BUD23: variants seen among roughly 807,000 people sequenced by gnomAD.
BUD23 encodes BUD23 rRNA methyltransferase and ribosome maturation factor.
Under a neutral mutation model 47.0 loss-of-function variants are expected in BUD23, and 34 were observed. The ratio of observed to expected loss-of-function variants is 0.72; its 90% CI spans 0.55 to 0.96. The LOEUF (loss-of-function observed/expected upper bound fraction) is 0.96, where lower values mean the gene tolerates loss of function less well. BUD23 is among the 40% of genes least tolerant of loss of function. The pLI, the probability that BUD23 is intolerant of heterozygous loss-of-function variation, is 0.00. For missense variants in BUD23, 343 were observed against 361.2 expected (o/e 0.95, Z 0.41); for synonymous variants, 124 against 132.0 (o/e 0.94, Z 0.41).
Position 73,697,924 on chromosome 7 carries a change from C to G in BUD23, c.*38C>G, listed in dbSNP as rs147305837. On this transcript the variant is annotated 3_prime_UTR_variant, in exon 12 of 12. Coordinates refer to ENST00000265758, the MANE Select transcript of BUD23 (RefSeq NM_017528.5). ...TTCTGGAAAGGCACTTGCCTCTGCACTTTTCTATATTGTTCAGCTGACAAA... is the reference window on the plus strand; with the variant it reads ...TTCTGGAAAGGCACTTGCCTCTGCAGTTTTCTATATTGTTCAGCTGACAAA... 16 of 1,592,396 alleles carry G rather than the reference C, an allele frequency of 1.0e-5. No individual in the cohort carries two copies. The highest frequency in any genetic ancestry group is 1.4e-5 in the African/African-American group (1 of 73,522).
intron 10 of BUD23, chr7:73,696,874 C>T (rs1326330539): frequency 1.3e-5 from 2 of 156,980 alleles, no homozygotes. Context: ...CACCTCCTTC[C>T]TTTAGCTCCA....
Position 73,683,814 on chromosome 7 carries a change from G to A in BUD23, c.86+10G>A, listed in dbSNP as rs1050647491. 1.2e-6 allele frequency: 2 copies of A among 1,614,098 alleles called. No individual in the cohort carries two copies. The highest frequency in any genetic ancestry group is 1.7e-6 in the Non-Finnish European group (2 of 1,180,064). On this transcript the variant is annotated intron_variant, in intron 2 of 11. Coordinates refer to ENST00000265758, the MANE Select transcript of BUD23 (RefSeq NM_017528.5). ...GGAAATACGTTCGCAAGTGAGGGGA[G>A]CCTGAATACTGCGGGGCGTCCGGGG...
Position 73,690,965 on chromosome 7 carries a change from C to G in BUD23, c.412C>G (p.Pro138Ala), listed in dbSNP as rs1554613932. 3 of 1,614,060 alleles carry G rather than the reference C, an allele frequency of 1.9e-6. No individual in the cohort carries two copies. The highest frequency in any genetic ancestry group is 1.7e-5 in the Admixed American group (1 of 59,994). Reference protein sequence around the residue: ...LCNANKKSENPAKRLYCFFAS... With the variant: ...LCNANKKSENAAKRLYCFFAS... ...TAATGCTAACAAGAAGTCTGAAAAC[C>G]CTGCCAAGCGCCTGTACTGCTTTTT... is the stretch of plus-strand genomic sequence containing the variant. The change falls in exon 6 of 12, where the codon CCT becomes GCT. Residue 138 changes from proline (P) to alanine (A), a missense_variant. Transcript: ENST00000265758.
In BUD23 at chr7:73,693,664, C is replaced by G; in HGVS notation, c.637C>G (p.Pro213Ala). 6.2e-7 allele frequency: 1 copy of G among 1,614,168 alleles called. No homozygotes were observed. The highest frequency in any genetic ancestry group is 8.5e-7 in the Non-Finnish European group (1 of 1,180,018). The change falls in exon 9 of 12, where the codon CCA becomes GCA. Residue 213 changes from proline (P) to alanine (A), a missense_variant. Transcript: ENST00000265758. ...CLFSGPSTFI[P>A]EGLSENQDEV... ...GTTTTCTGGGCCTTCGACCTTTATACCAGAGGTGAGGGACACTGGGTTTGC... is the reference window on the plus strand; with the variant it reads ...GTTTTCTGGGCCTTCGACCTTTATAGCAGAGGTGAGGGACACTGGGTTTGC...
At chr7:73,685,644 C>T (rs1219787997) in intron 2 of BUD23, among the ~76,000 whole-genome samples, 1 of 152,054 alleles carries the variant, frequency 6.6e-6, no homozygotes, top group Non-Finnish European at 1.5e-5. Flanking sequence ...CTCACGGGAT[C>T]CACCCGCCTT....
At position 73,691,027 on chromosome 7, in the gene BUD23, T is replaced by A. The variant is rs781845339; in HGVS notation, c.459+15T>A. The A allele has an allele frequency of 8.7e-6, 14 of 1,611,966 alleles. No homozygotes were observed. In the South Asian group the frequency reaches 1.5e-4, roughly 18 times the overall value. On this transcript the variant is annotated intron_variant, in intron 6 of 11. Coordinates refer to ENST00000265758, the MANE Select transcript of BUD23 (RefSeq NM_017528.5). Reference sequence around the variant, plus strand: ...TTTCTGTTCTCGTGAGTATAAGATCTTCTCCCCATCTGGGTTAGCTGCCTG... The same window carrying A: ...TTTCTGTTCTCGTGAGTATAAGATCATCTCCCCATCTGGGTTAGCTGCCTG...
At chr7:73,688,445 G>A (rs555350908) in intron 5 of BUD23, among the ~76,000 whole-genome samples, 2 of 152,340 alleles carry the variant, frequency 1.3e-5, no homozygotes, top group South Asian at 4.1e-4. Flanking sequence ...TGTGTCTGGT[G>A]GGGCAGAGGA....
Position 73,693,370 on chromosome 7 carries a change from C to A in BUD23, c.552C>A (p.Ser184=), listed in dbSNP as rs372655014. ...CCCAGGCCACAAAGGCAGGCTTCTC[C>A]GGTGGCATGGTGGTAGACTACCCTA... ...ITTQATKAGF[S]GGMVVDYPNS... The change falls in exon 8 of 12, where the codon TCC becomes TCA. Residue 184 remains serine (S), a synonymous_variant. Transcript: ENST00000265758. The A allele has an allele frequency of 1.2e-6, 2 of 1,614,172 alleles. No homozygotes were observed. The highest frequency in any genetic ancestry group is 2.2e-5 in the South Asian group (2 of 91,070).
At chr7:73,683,876 G>A in intron 2 of BUD23, 72 bp downstream of exon 2, 2 of 1,613,430 alleles carry the variant, frequency 1.2e-6, no homozygotes, top group South Asian at 1.1e-5. Flanking sequence ...TGCTGGCGTT[G>A]CCCGGAAAGG....
In BUD23 at chr7:73,693,386, G is replaced by A; in HGVS notation, c.568G>A (p.Asp190Asn). The A allele has an allele frequency of 6.2e-7, 1 of 1,614,186 alleles. No individual in the cohort carries two copies. Among genetic ancestry groups the A allele is most frequent in the Non-Finnish European group, 8.5e-7 (1 of 1,180,028 alleles). ...AGGCTTCTCCGGTGGCATGGTGGTA[G>A]ACTACCCTAACAGTGCCAAAGCAAA... is the stretch of plus-strand genomic sequence containing the variant. The part of the protein sequence containing the change: ...KAGFSGGMVV[D>N]YPNSAKAKKF... The change falls in exon 8 of 12, where the codon GAC becomes AAC. Residue 190 changes from aspartate to asparagine, a missense_variant. Coordinates refer to ENST00000265758, the MANE Select transcript of BUD23 (RefSeq NM_017528.5).
intron 2 of BUD23, among the ~76,000 whole-genome samples, chr7:73,685,079 G>A (rs1447566636): frequency 6.6e-6 from 1 of 152,082 alleles, no homozygotes; most frequent in Non-Finnish European, 1.5e-5. Context: ...GGCGGAGGTG[G>A]ACGGATCACC....
intron 10 of BUD23, chr7:73,697,086 C>G (rs1284615635): frequency 3.8e-6 from 1 of 264,548 alleles, no homozygotes; most frequent in Non-Finnish European, 7.3e-6. Flanking sequence ...TGCCCTGTCT[C>G]TGGTTTCTAC....
At chr7:73,687,118 TTTA>T in intron 5 of BUD23, 23 bp downstream of exon 5, 1 of 1,610,202 alleles carries the variant, frequency 6.2e-7, no homozygotes, top group South Asian at 1.1e-5. Context: ...AATTCCTGCT[TTTA>T]TTTATTTAGA....
chr7:73,697,645 A>G lies in BUD23; in HGVS notation c.742A>G (p.Ser248Gly), dbSNP rs782543202. The G allele has an allele frequency of 6.2e-7, 1 of 1,613,664 alleles. No homozygotes were observed. The highest frequency in any genetic ancestry group is 1.1e-5 in the South Asian group (1 of 91,088). ...GTCGAGGCGGGGAATGGTGAGGAAG[A>G]GTCGGGCATGGGTGCTGGAGAAGAA... ...RMSRRGMVRKSRAWVLEKKER... is the reference protein window; with the variant it reads ...RMSRRGMVRKGRAWVLEKKER... The change falls in exon 11 of 12, where the codon AGT becomes GGT. Residue 248 changes from serine (S) to glycine (G), a missense_variant. Ser to Gly is a moderately conservative substitution (Grantham distance 56). Transcript: ENST00000265758.
At chr7:73,690,246 C>G (rs1798138235) in intron 5 of BUD23, among the ~76,000 whole-genome samples, 1 of 152,278 alleles carries the variant, frequency 6.6e-6, no homozygotes, top group African/African-American at 2.4e-5. Flanking sequence ...CTCAAGTGAT[C>G]CACCCATCTC....
At chr7:73,691,992 C>T (rs1266938695) in intron 6 of BUD23, among the ~76,000 whole-genome samples, 1 of 152,154 alleles carries the variant, frequency 6.6e-6, no homozygotes, top group African/African-American at 2.4e-5. Context: ...GGGTGGACTG[C>T]ACCTGCCGAT....
chr7:73,686,053 G>C (rs569624976), intron 2 of BUD23, among the ~76,000 whole-genome samples: 1 of 150,780 alleles, frequency 6.6e-6, no homozygotes, highest in South Asian at 2.1e-4. Context: ...CCGAGATCGC[G>C]CCACTGCACT....
At chr7:73,685,533 G>T (rs1465089656) in intron 2 of BUD23, among the ~76,000 whole-genome samples, 1 of 152,168 alleles carries the variant, frequency 6.6e-6, no homozygotes, top group Non-Finnish European at 1.5e-5. Flanking sequence ...CGCCTCCCGG[G>T]TAGTTGGAAC....
At chr7:73,687,923 GCT>G (rs1344412331) in intron 5 of BUD23, among the ~76,000 whole-genome samples, 1 of 150,758 alleles carries the variant, frequency 6.6e-6, no homozygotes, top group Non-Finnish European at 1.5e-5. Context: ...TGAGATGGAG[GCT>G]CTCTCTGTTG....
Sources: allele counts gnomAD v4.1 joint callset (sites outside exome capture counted in the v4.1 genomes callset), GRCh38; gene constraint gnomAD v4.1.1; transcripts MANE v1.5; gene names NCBI Gene and HGNC (gene_info 2026-07-23, HGNC 2026-07-21).